The following PCCA variants were observed in gnomAD, a reference collection of about 807,000 sequenced individuals.
The protein encoded by PCCA is propionyl-CoA carboxylase alpha chain, mitochondrial.
PCCA carries 74 observed loss-of-function variants against 101.3 expected under a neutral mutation model. That is an observed-to-expected ratio of 0.73 (90% CI 0.61 to 0.89). The LOEUF is 0.89. PCCA is among the 40% of genes least tolerant of loss of function. PCCA has a pLI of 0.00. For missense variants in PCCA, 891 were observed against 907.0 expected (o/e 0.98, Z 0.23); for synonymous variants, 294 against 313.6 (o/e 0.94, Z 0.66).
intron 6 of PCCA, among the ~76,000 whole-genome samples, chr13:100,179,248 A>G (rs2056551071): frequency 6.6e-6 from 1 of 152,098 alleles, no homozygotes; most frequent in African/African-American, 2.4e-5. Flanking sequence ...CATACCTTAC[A>G]TACTGACGAA....
chr13:100,264,288 C>T (rs2152567225), intron 10 of PCCA, among the ~76,000 whole-genome samples: 1 of 151,326 alleles, frequency 6.6e-6, no homozygotes, highest in South Asian at 2.1e-4. Context: ...TATATATATA[C>T]AGTGAAATCC....
intron 4 of PCCA, among the ~76,000 whole-genome samples, chr13:100,143,293 G>A (rs969607978): frequency 6.6e-6 from 1 of 152,102 alleles, no homozygotes; most frequent in Non-Finnish European, 1.5e-5. Flanking sequence ...ATTTTGGGAT[G>A]CTGAGGTGGG....
intron 20 of PCCA, among the ~76,000 whole-genome samples, chr13:100,444,287 C>T (rs962111699): frequency 6.6e-6 from 1 of 151,360 alleles, no homozygotes; most frequent in Non-Finnish European, 1.5e-5. Context: ...TCACTGCAAC[C>T]TCCACCTCCC....
Position 100,418,999 on chromosome 13 carries a change from C to A in PCCA, c.1747-6634C>A, listed in dbSNP as rs375873860. 8.7e-4 allele frequency among the ~76,000 whole-genome samples: 132 copies of A among 151,764 alleles called. 4 individuals are homozygous for A. In the South Asian group the frequency reaches 0.024, roughly 28 times the overall value. ...TCAAAGAAGCTTAGCTCTTTCTCAC[C>A]CCAGGGTTTTTTTCTTTCTTTTTTT... On this transcript the variant is annotated intron_variant, in intron 19 of 23. Coordinates refer to ENST00000376285, the MANE Select transcript of PCCA (RefSeq NM_000282.4).
At chr13:100,186,740 A>AAAAAAAAAAAC (rs2057304867) in intron 6 of PCCA, among the ~76,000 whole-genome samples, 1 of 150,826 alleles carries the variant, frequency 6.6e-6, no homozygotes, top group Non-Finnish European at 1.5e-5. Context: ...TTCCATCTCA[A>AAAAAAAAAAAC]AAAAAAAACA....
At chr13:100,159,247 C>T (rs1300130132) in intron 6 of PCCA, among the ~76,000 whole-genome samples, 8 of 151,506 alleles carry the variant, frequency 5.3e-5, no homozygotes, top group African/African-American at 1.5e-4. Flanking sequence ...CACACCACCA[C>T]GCCTGGCTAA....
chr13:100,500,564 T>C (rs551911578), intron 21 of PCCA, among the ~76,000 whole-genome samples: 63 of 152,336 alleles, frequency 4.1e-4, no homozygotes, highest in African/African-American at 1.4e-3. Context: ...TCATCTGAAA[T>C]CTGTAAACAT....
chr13:100,160,323 C>T (rs2054318217), intron 6 of PCCA, among the ~76,000 whole-genome samples: 2 of 151,836 alleles, frequency 1.3e-5, no homozygotes, highest in African/African-American at 2.4e-5. Flanking sequence ...GACAACATGG[C>T]GAAACCCCAT....
At chr13:100,270,440 G>C (rs1382402078) in intron 11 of PCCA, among the ~76,000 whole-genome samples, 2 of 152,086 alleles carry the variant, frequency 1.3e-5, no homozygotes, top group African/African-American at 2.4e-5. Context: ...TTAACACTCT[G>C]TTTTTAGTAA....
chr13:100,410,132 A>G (rs980590492), intron 19 of PCCA, among the ~76,000 whole-genome samples: 3 of 152,212 alleles, frequency 2.0e-5, no homozygotes, highest in Non-Finnish European at 2.9e-5. Flanking sequence ...TTAATGTACT[A>G]TATGGACTGG....
chr13:100,149,174 T>C (rs1421453206), intron 4 of PCCA: 1 of 151,774 alleles, frequency 6.6e-6, no homozygotes, highest in Admixed American at 6.6e-5. Context: ...TTTTTTTTTT[T>C]TTTTCAGTTA....
At chr13:100,262,692 C>G in intron 9 of PCCA, 37 bp from the exon 10 acceptor site, 1 of 768,452 alleles carries the variant, frequency 1.3e-6, no homozygotes, top group Non-Finnish European at 2.3e-6. Flanking sequence ...TCCCCTCCCT[C>G]TCCCCCCCTC....
intron 22 of PCCA, chr13:100,527,249 A>T: frequency 2.1e-6 from 1 of 465,638 alleles, no homozygotes; most frequent in Non-Finnish European, 4.4e-6. Flanking sequence ...CTCTCAAAAG[A>T]AACCCTGTAC....
At chr13:100,386,670 C>A (rs904443877) in intron 19 of PCCA, among the ~76,000 whole-genome samples, 2 of 152,192 alleles carry the variant, frequency 1.3e-5, no homozygotes. Context: ...CGTGAGCCAC[C>A]GCGCCCAGCC....
intron 21 of PCCA, among the ~76,000 whole-genome samples, chr13:100,463,180 AAG>A (rs900573987): frequency 5.9e-5 from 9 of 152,138 alleles, no homozygotes; most frequent in Non-Finnish European, 8.8e-5. Context: ...CAGGGCAACA[AAG>A]ATCCCTTTGG....
intron 21 of PCCA, among the ~76,000 whole-genome samples, chr13:100,478,532 T>C (rs1490654394): frequency 6.6e-6 from 1 of 152,186 alleles, no homozygotes; most frequent in African/African-American, 2.4e-5. Context: ...CCCAGCACAC[T>C]CTCAGCCTCT....
At chr13:100,326,958 A>G (rs2068761532) in intron 16 of PCCA, among the ~76,000 whole-genome samples, 1 of 152,108 alleles carries the variant, frequency 6.6e-6, no homozygotes, top group South Asian at 2.1e-4. Context: ...TGCAGGAGGC[A>G]CCCCTAATCC....
chr13:100,228,357 T>C (rs1306554870), intron 7 of PCCA, among the ~76,000 whole-genome samples: 1 of 152,166 alleles, frequency 6.6e-6, no homozygotes, highest in Non-Finnish European at 1.5e-5. Context: ...TATTATGTAA[T>C]GTGTCAGAAA....
intron 18 of PCCA, among the ~76,000 whole-genome samples, chr13:100,357,853 C>G (rs1398798318): frequency 6.6e-6 from 1 of 152,106 alleles, no homozygotes; most frequent in African/African-American, 2.4e-5. Context: ...GATATCATGG[C>G]AGAAAGGGAG....
Sources: gnomAD v4.1 joint callset for allele counts (sites outside exome capture counted in the v4.1 genomes callset) on GRCh38, gnomAD v4.1.1 for gene constraint, MANE v1.5 for transcripts, NCBI Gene and HGNC (gene_info 2026-07-23, HGNC 2026-07-21) for gene names.